Variants in TBX5 observed in about 807,000 individuals in gnomAD.
The protein encoded by TBX5 is T-box transcription factor TBX5.
TBX5 carries 8 observed loss-of-function variants against 51.1 expected under a neutral mutation model. The observed-to-expected ratio is 0.16, with a 90% CI of 0.09 to 0.28. The LOEUF (loss-of-function observed/expected upper bound fraction) is 0.28. Among genes scored for constraint, TBX5 ranks in the 10% least tolerant of loss-of-function variants. The probability of loss-of-function intolerance (pLI) is 1.00; values close to 1 mark genes in which losing one functional copy is unlikely to be tolerated. For missense variants in TBX5, 589 were observed against 671.7 expected (o/e 0.88, Z 1.36); for synonymous variants, 302 against 266.4 (o/e 1.13, Z -1.30).
chr12:114,373,429 G>C (rs1020385271), intron 7 of TBX5, among the ~76,000 whole-genome samples: 2 of 152,170 alleles, frequency 1.3e-5, no homozygotes, highest in African/African-American at 2.4e-5. Context: ...TAAAACTACA[G>C]ACATAAAAGG....
chr12:114,383,341 C>T (rs529365406), intron 7 of TBX5, among the ~76,000 whole-genome samples: 53 of 152,124 alleles, frequency 3.5e-4, no homozygotes, highest in African/African-American at 1.0e-3. Flanking sequence ...AATGTGTGTT[C>T]GAAGGGCCAA....
chr12:114,399,479 C>T, intron 4 of TBX5, 34 bp downstream of exon 4: 2 of 1,612,936 alleles, frequency 1.2e-6, no homozygotes, highest in Non-Finnish European at 1.7e-6. Flanking sequence ...CCACTTTTCT[C>T]TCTCCCCGCT....
At position 114,398,659 on chromosome 12, in the gene TBX5, G is replaced by A. The variant is rs1424817435; in HGVS notation, c.424C>T (p.Pro142Ser). ...PGRLYVHPDSPATGAHWMRQL... is the reference protein window; with the variant it reads ...PGRLYVHPDSSATGAHWMRQL... ...CTCATCCAATGCGCCCCGGTGGCGG[G>A]GGAGTCTGGGTGCACGTACAGGCGG... is the stretch of plus-strand genomic sequence containing the variant. Residue 142 changes from proline (P) to serine (S), a missense_variant, in exon 5 of 9, where the codon CCC becomes TCC. Physicochemically the swap from Pro to Ser is moderately conservative, Grantham distance 74 (BLOSUM62 -1). Around this residue, in one of 7 missense-constraint regions of TBX5, gnomAD observed 85 missense variants for 95.6 expected, o/e 0.89. Transcript: ENST00000405440. 6.2e-7 allele frequency: 1 copy of A among 1,613,094 alleles called. No individual in the cohort carries two copies. Among genetic ancestry groups the A allele is most frequent in the Non-Finnish European group, 8.5e-7 (1 of 1,179,742 alleles).
At chr12:114,372,387 T>C (rs182149146) in intron 7 of TBX5, among the ~76,000 whole-genome samples, 3 of 152,122 alleles carry the variant, frequency 2.0e-5, no homozygotes, top group Non-Finnish European at 4.4e-5. Flanking sequence ...TCACGGTGAC[T>C]TCAGGCTCCT....
rs958951320 is a variant in TBX5 at position 114,405,627 on chromosome 12, C to T, written c.-39+1G>A. 5.5e-6 allele frequency: 5 copies of T among 911,444 alleles called. No individual in the cohort carries two copies. The highest frequency in any genetic ancestry group is 1.8e-5 in the African/African-American group (1 of 55,756). The allele number at this position is 911,444 out of a possible 1,614,324, so 56.5% of individuals were successfully genotyped here. On this transcript the variant is annotated splice_donor_variant, in intron 1 of 8. Transcript: ENST00000405440. LOFTEE classifies it low-confidence loss of function (5UTR_SPLICE). The stretch of plus-strand genomic sequence containing the variant: ...CCCGGGCCATCTGCCGGGACGGTTA[C>T]CTCGTTCGGTGAAGCCGGTGCATTC...
At chr12:114,379,120 G>T (rs951142941) in intron 7 of TBX5, among the ~76,000 whole-genome samples, 23 of 152,156 alleles carry the variant, frequency 1.5e-4, no homozygotes, top group African/African-American at 5.5e-4. Context: ...TGCCTGACCT[G>T]CCTTCCGTTA....
At chr12:114,395,630 C>T (rs1270967368) in intron 5 of TBX5, among the ~76,000 whole-genome samples, 1 of 152,134 alleles carries the variant, frequency 6.6e-6, no homozygotes, top group Non-Finnish European at 1.5e-5. Flanking sequence ...TCCCTTTCTC[C>T]AGCTTTATCA....
chr12:114,380,044 C>T (rs1244300715), intron 7 of TBX5, among the ~76,000 whole-genome samples: 2 of 152,090 alleles, frequency 1.3e-5, no homozygotes, highest in African/African-American at 4.8e-5. Context: ...TACTCCAGCC[C>T]CCTAGACTTT....
intron 1 of TBX5, 105 bp from the exon 2 acceptor site, chr12:114,404,041 C>T (rs1872028528): frequency 7.9e-7 from 1 of 1,265,674 alleles, no homozygotes; most frequent in Middle Eastern, 2.6e-4. Context: ...AGTTTGGCCC[C>T]CAGTTTCCAG....
At chr12:114,371,625 A>G (rs1869916307) in intron 7 of TBX5, among the ~76,000 whole-genome samples, 1 of 146,168 alleles carries the variant, frequency 6.8e-6, no homozygotes, top group African/African-American at 2.5e-5. Context: ...TCCTTACCCA[A>G]TTTCTGGCAG....
intron 6 of TBX5, among the ~76,000 whole-genome samples, chr12:114,393,679 C>T (rs979297384): frequency 6.6e-6 from 1 of 152,124 alleles, no homozygotes; most frequent in Admixed American, 6.5e-5. Context: ...AATGCCAAAA[C>T]CAGTGCCTGG....
chr12:114,382,094 T>G (rs1265291275), intron 7 of TBX5, among the ~76,000 whole-genome samples: 1 of 152,172 alleles, frequency 6.6e-6, no homozygotes, highest in East Asian at 1.9e-4. Flanking sequence ...GTCATCTGCC[T>G]AAATATATAA....
intron 6 of TBX5, among the ~76,000 whole-genome samples, chr12:114,386,197 A>C (rs2136398763): frequency 6.6e-6 from 1 of 152,340 alleles, no homozygotes; most frequent in African/African-American, 2.4e-5. Flanking sequence ...TGTCCTAAGC[A>C]AAGAAGAGAG....
At chr12:114,386,779 A>G (rs948104086) in intron 6 of TBX5, among the ~76,000 whole-genome samples, 4 of 152,182 alleles carry the variant, frequency 2.6e-5, no homozygotes, top group African/African-American at 9.7e-5. Context: ...CTAATAGAAG[A>G]CTAGAAAGAT....
At chr12:114,369,145 A>G (rs1375563017) in intron 7 of TBX5, among the ~76,000 whole-genome samples, 1 of 152,052 alleles carries the variant, frequency 6.6e-6, no homozygotes, top group Non-Finnish European at 1.5e-5. Context: ...GAAGGGGGAA[A>G]TCTCTTTTGG....
chr12:114,406,358 C>G (rs1003042129), upstream of TBX5, among the ~76,000 whole-genome samples: 1 of 152,044 alleles, frequency 6.6e-6, no homozygotes, highest in Non-Finnish European at 1.5e-5. Flanking sequence ...TCTGAGCAAG[C>G]GGTGGCTGCA....
chr12:114,374,495 A>T (rs1317847124), intron 7 of TBX5, among the ~76,000 whole-genome samples: 1 of 152,218 alleles, frequency 6.6e-6, no homozygotes, highest in Non-Finnish European at 1.5e-5. Flanking sequence ...GTCTTCCACA[A>T]AGAGTATACA....
At chr12:114,378,453 A>G (rs899870816) in intron 7 of TBX5, among the ~76,000 whole-genome samples, 4 of 152,270 alleles carry the variant, frequency 2.6e-5, no homozygotes, top group Non-Finnish European at 5.9e-5. Flanking sequence ...TCAACAGAAC[A>G]TGGACCGTGT....
In TBX5 at chr12:114,355,800, A is replaced by G. The variant is rs1396124456; in HGVS notation, c.1289T>C (p.Phe430Ser). ...CCGAGGGACCAGGGGCCCCGAGGTG[A>G]AGTGAGCGGAGAAGTGCTGGTAGGG... ...RLPYQHFSAH[F>S]TSGPLVPRLA... Residue 430 changes from phenylalanine to serine, a missense_variant, in exon 9 of 9, where the codon TTC becomes TCC. Physicochemically the swap from Phe to Ser is radical, Grantham distance 155. This residue lies in a region of TBX5 where 348 missense variants were observed against 360.4 expected (regional missense o/e 0.97). Transcript: ENST00000405440. The G allele has an allele frequency of 1.2e-6, 2 of 1,613,992 alleles. No homozygotes were observed. The highest frequency in any genetic ancestry group is 1.7e-6 in the Non-Finnish European group (2 of 1,180,028).
Sources: gnomAD v4.1 joint callset for allele counts (sites outside exome capture counted in the v4.1 genomes callset) on GRCh38, gnomAD v4.1.1 for gene constraint, gnomAD v4.1.1 regional missense constraint, MANE v1.5 for transcripts, NCBI Gene and HGNC (gene_info 2026-07-23, HGNC 2026-07-21) for gene names.